The following NBAS variants were observed in gnomAD, a reference collection of about 807,000 sequenced individuals.
NBAS encodes NBAS subunit of NRZ tethering complex.
NBAS carries 219 observed loss-of-function variants against 302.5 expected under a neutral mutation model. That is an observed-to-expected ratio of 0.72 (90% CI 0.65 to 0.81). The LOEUF (loss-of-function observed/expected upper bound fraction) is 0.81, where lower values mean the gene tolerates loss of function less well. NBAS is among the 30% of genes least tolerant of loss of function. The pLI, the probability that NBAS is intolerant of heterozygous loss-of-function variation, is 0.00. For synonymous variants in NBAS, 1,118 were observed against 1,021.6 expected (o/e 1.09, Z -1.80); for missense variants, 2,932 against 2,841.6 (o/e 1.03, Z -0.72).
chr2:15,528,899 G>GTGTGTATATATATATATA (rs70961417), intron 9 of NBAS, among the ~76,000 whole-genome samples: 9,368 of 121,182 alleles, frequency 0.077, 608 homozygotes, highest in African/African-American at 0.16. Flanking sequence ...ATATATATAT[G>GTGTGTATATATATATATA]TGTGTATATA....
chr2:15,558,112 T>C (rs949964366), intron 2 of NBAS, among the ~76,000 whole-genome samples: 3 of 152,222 alleles, frequency 2.0e-5, no homozygotes, highest in African/African-American at 7.2e-5. Flanking sequence ...ACTGGTTTTG[T>C]GGAAGACAAT....
the NBAS span, among the ~76,000 whole-genome samples, chr2:14,925,619 G>A: frequency 2.0e-5 from 3 of 152,030 alleles, no homozygotes; most frequent in African/African-American, 7.2e-5. Flanking sequence ...TCCCTTTCAT[G>A]GCAAAATTGC....
the NBAS span, among the ~76,000 whole-genome samples, chr2:14,847,428 A>T: frequency 6.7e-6 from 1 of 150,260 alleles, no homozygotes; most frequent in East Asian, 2.0e-4. Context: ...CTGAAAATAA[A>T]GGACTAGAAA....
intron 11 of NBAS, among the ~76,000 whole-genome samples, chr2:15,502,676 C>T (rs1661636923): frequency 6.6e-6 from 1 of 152,162 alleles, no homozygotes; most frequent in South Asian, 2.1e-4. Context: ...GCTTGCAGAA[C>T]TAGAAGTTGC....
chr2:15,411,892 T>C lies in NBAS; in HGVS notation c.2937+3654A>G, dbSNP rs116067568. 6.8e-3 allele frequency among the ~76,000 whole-genome samples: 1,030 copies of C among 152,210 alleles called. 12 individuals are homozygous for C. The highest frequency in any genetic ancestry group is 0.022 in the African/African-American group (928 of 41,536). On this transcript the variant is annotated intron_variant, in intron 25 of 51. Transcript: ENST00000281513. ...TACTAGTTTAGAAGTCAGAGAACAA[T>C]ATGAGAAGGCGGAAGCTTTTGTCCC...
chr2:15,410,254 G>C (rs1413264667), intron 25 of NBAS, among the ~76,000 whole-genome samples: 1 of 152,248 alleles, frequency 6.6e-6, no homozygotes, highest in East Asian at 1.9e-4. Flanking sequence ...AGTATACCAA[G>C]TAATAACATG....
chr2:15,211,621 G>T (rs550863914), intron 48 of NBAS, among the ~76,000 whole-genome samples: 8 of 152,236 alleles, frequency 5.3e-5, no homozygotes, highest in African/African-American at 1.9e-4. Flanking sequence ...TCCGTAGGAG[G>T]ATTGAAGAGA....
chr2:15,466,214 C>A (rs148521062), intron 19 of NBAS, among the ~76,000 whole-genome samples: 16 of 152,202 alleles, frequency 1.1e-4, no homozygotes, highest in African/African-American at 2.9e-4. Context: ...CATGGTCAGA[C>A]GTTCTTGGGA....
At chr2:15,368,356 C>T (rs112685235) in intron 31 of NBAS, among the ~76,000 whole-genome samples, 5,807 of 151,920 alleles carry the variant, frequency 0.038, 373 homozygotes, top group African/African-American at 0.13. Flanking sequence ...CGTGCCACCA[C>T]GCCTGGCTAA....
chr2:15,203,453 T>G (rs1482273160), intron 48 of NBAS, among the ~76,000 whole-genome samples: 3 of 152,224 alleles, frequency 2.0e-5, no homozygotes, highest in African/African-American at 7.2e-5. Flanking sequence ...AAGAGATTTC[T>G]GTTGTACTTC....
At chr2:15,400,032 G>C (rs6431698) in intron 26 of NBAS, among the ~76,000 whole-genome samples, 90,351 of 151,888 alleles carry the variant, frequency 0.59, 27,995 homozygotes, top group Non-Finnish European at 0.68. Flanking sequence ...TCTTTGACAG[G>C]AAGCTATTTG....
intron 45 of NBAS, 114 bp from the exon 46 acceptor site, chr2:15,234,861 C>T: frequency 9.3e-7 from 1 of 1,071,242 alleles, no homozygotes; most frequent in East Asian, 2.5e-5. Flanking sequence ...AGCAGCAACA[C>T]CATACCAAAG....
chr2:15,032,975 A>G, the NBAS span, among the ~76,000 whole-genome samples: 1 of 152,196 alleles, frequency 6.6e-6, no homozygotes, highest in Non-Finnish European at 1.5e-5. Context: ...CCTCAGGCCA[A>G]CCAACCTCTG....
the NBAS span, among the ~76,000 whole-genome samples, chr2:14,960,135 A>T: frequency 6.6e-6 from 1 of 152,220 alleles, no homozygotes; most frequent in Admixed American, 6.5e-5. Flanking sequence ...AGTGTAAGAG[A>T]TGAGGCTGTG....
chr2:15,281,730 T>G (rs902154518), intron 42 of NBAS, among the ~76,000 whole-genome samples: 1 of 152,194 alleles, frequency 6.6e-6, no homozygotes, highest in East Asian at 1.9e-4. Context: ...TGCAGCAGGT[T>G]TGCATAATTT....
At chr2:14,873,322 A>G in the NBAS span, among the ~76,000 whole-genome samples, 1 of 152,110 alleles carries the variant, frequency 6.6e-6, no homozygotes, top group South Asian at 2.1e-4. Flanking sequence ...CAGAAGCCCA[A>G]CTCGCTTCAC....
chr2:15,034,290 A>G, the NBAS span, among the ~76,000 whole-genome samples: 1 of 96,012 alleles, frequency 1.0e-5, no homozygotes, highest in African/African-American at 4.4e-5. Flanking sequence ...GAAAGAAAGA[A>G]AGAAAGAAAG....
At chr2:15,312,130 C>T (rs1413999447) in intron 38 of NBAS, among the ~76,000 whole-genome samples, 3 of 152,240 alleles carry the variant, frequency 2.0e-5, no homozygotes, top group Non-Finnish European at 4.4e-5. Context: ...TCTCCTGCAT[C>T]TGTTCCTCAG....
chr2:15,400,692 A>ATT (rs1469207270), intron 26 of NBAS, among the ~76,000 whole-genome samples: 1 of 152,172 alleles, frequency 6.6e-6, no homozygotes, highest in Non-Finnish European at 1.5e-5. Context: ...CAGTCTTAGA[A>ATT]TTCCCTGACT....
Sources: allele counts gnomAD v4.1 joint callset (sites outside exome capture counted in the v4.1 genomes callset), GRCh38; gene constraint gnomAD v4.1.1; transcripts MANE v1.5; gene names NCBI Gene and HGNC (gene_info 2026-07-23, HGNC 2026-07-21).